Variants in LUC7L observed in about 807,000 individuals in gnomAD.
The protein encoded by LUC7L is putative RNA-binding protein Luc7-like 1.
LUC7L carries 29 observed loss-of-function variants against 51.1 expected under a neutral mutation model. The ratio of observed to expected loss-of-function variants is 0.57; its 90% CI spans 0.42 to 0.77. The LOEUF is 0.77. Ranked by LOEUF, LUC7L falls within the 30% of genes least tolerant of loss-of-function variation. LUC7L has a pLI of 0.00. For missense variants in LUC7L, 403 were observed against 511.9 expected (o/e 0.79, Z 2.05); for synonymous variants, 181 against 180.7 (o/e 1.00, Z -0.01).
chr16:205,855 C>G, intron 5 of LUC7L, 149 bp downstream of exon 5: 1 of 876,174 alleles, frequency 1.1e-6, no homozygotes, highest in Non-Finnish European at 1.7e-6. Context: ...TTCCAAAGTG[C>G]TGGGATGACA....
chr16:220,948 T>C (rs910793143), intron 2 of LUC7L, among the ~76,000 whole-genome samples: 4 of 152,232 alleles, frequency 2.6e-5, no homozygotes, highest in African/African-American at 9.6e-5. Flanking sequence ...TACTTGAAAC[T>C]GATGCATTTA....
At chr16:204,061 C>T (rs928468239) in intron 5 of LUC7L, among the ~76,000 whole-genome samples, 3 of 151,994 alleles carry the variant, frequency 2.0e-5, no homozygotes, top group African/African-American at 7.2e-5. Flanking sequence ...ACCAATTACA[C>T]CAGCACCCGC....
chr16:191,646 A>C (rs1305134863), intron 7 of LUC7L, among the ~76,000 whole-genome samples: 2 of 152,174 alleles, frequency 1.3e-5, no homozygotes, highest in African/African-American at 4.8e-5. Context: ...ACAGATCGAG[A>C]CCAGCCTGGC....
At chr16:208,273 T>C in intron 3 of LUC7L, 85 bp from the exon 4 acceptor site, 1 of 971,618 alleles carries the variant, frequency 1.0e-6, no homozygotes, top group South Asian at 1.4e-5. Flanking sequence ...GGAAATACAC[T>C]CCTAGGTTCG....
chr16:220,005 A>T (rs937021820), intron 3 of LUC7L, among the ~76,000 whole-genome samples: 1 of 152,206 alleles, frequency 6.6e-6, no homozygotes, highest in Non-Finnish European at 1.5e-5. Context: ...TGATAATACA[A>T]AGTGTTGGTG....
intron 3 of LUC7L, among the ~76,000 whole-genome samples, chr16:213,703 C>A (rs2142090602): frequency 6.6e-6 from 1 of 152,272 alleles, no homozygotes; most frequent in South Asian, 2.1e-4. Context: ...CCGCACCCGG[C>A]AGAAATCTTT....
chr16:220,928 G>C lies in LUC7L; in HGVS notation c.157-181C>G, dbSNP rs190062118. Among the ~76,000 whole-genome samples, 256 of 152,318 alleles carry C rather than the reference G, an allele frequency of 1.7e-3. 2 individuals carry two copies. Among genetic ancestry groups the C allele is most frequent in the African/African-American group, 6.0e-3 (248 of 41,580 alleles). The stretch of plus-strand genomic sequence containing the variant: ...AGCCTCATTTCACTTTTACCATCGT[G>C]ACTACGTGATACTTGAAACTGATGC... On this transcript the variant is annotated intron_variant, in intron 2 of 9. Coordinates refer to ENST00000293872, the MANE Select transcript of LUC7L (RefSeq NM_201412.3).
chr16:212,331 T>C (rs1011392241), intron 3 of LUC7L, among the ~76,000 whole-genome samples: 1 of 152,072 alleles, frequency 6.6e-6, no homozygotes, highest in African/African-American at 2.4e-5. Context: ...CGGGTCTCCA[T>C]TGCATGGATG....
intron 5 of LUC7L, among the ~76,000 whole-genome samples, chr16:200,378 C>T (rs1392627569): frequency 6.8e-6 from 1 of 147,570 alleles, no homozygotes; most frequent in Non-Finnish European, 1.5e-5. Context: ...GAGCCAAGAT[C>T]ATGCCACTGG....
intron 8 of LUC7L, among the ~76,000 whole-genome samples, chr16:190,339 T>C (rs10153124): frequency 0.063 from 9,543 of 152,084 alleles, 303 homozygotes; most frequent in Non-Finnish European, 0.071. Flanking sequence ...GCCTGGATAC[T>C]CCTGTCACCC....
Position 208,653 on chromosome 16 carries a change from C to T in LUC7L, c.256-465G>A. 4.1e-6 allele frequency: 4 copies of T among 985,810 alleles called. No homozygotes were observed. In the South Asian group the frequency reaches 1.9e-4, roughly 46 times the overall value. 61.1% of individuals were successfully genotyped at this position (985,810 alleles called of 1,614,324 possible). A position where few individuals can be genotyped will look rare whatever the true frequency, so the allele number is the denominator to read the frequency against. ...TTCCCTCATGTTCTGAGGGTAGGGT[C>T]CCCCCTTTCACCTCAAAAACAAAAC... On this transcript the variant is annotated intron_variant, in intron 3 of 9. Coordinates refer to ENST00000293872, the MANE Select transcript of LUC7L (RefSeq NM_201412.3).
chr16:189,511 G>C, intron 9 of LUC7L, 172 bp from the exon 10 acceptor site: 1 of 1,400,688 alleles, frequency 7.1e-7, no homozygotes, highest in South Asian at 1.7e-5. Flanking sequence ...GTGTTAGATA[G>C]CCATTAAAAA....
At chr16:208,712 A>G (rs570230042) in intron 3 of LUC7L, 2 of 788,788 alleles carry the variant, frequency 2.5e-6, no homozygotes, top group Non-Finnish European at 3.1e-6. Context: ...CTATGAATAC[A>G]TTTTGTTATT....
chr16:191,384 C>T (rs77733638), intron 7 of LUC7L, among the ~76,000 whole-genome samples: 4 of 152,174 alleles, frequency 2.6e-5, no homozygotes, highest in Admixed American at 6.5e-5. Flanking sequence ...ATTCTATGCC[C>T]GTAAGCCATT....
intron 7 of LUC7L, chr16:190,804 T>G: frequency 1.9e-6 from 1 of 522,376 alleles, no homozygotes; most frequent in East Asian, 3.2e-5. Flanking sequence ...CACTTTAACC[T>G]AGGAGGCAGA....
In LUC7L at chr16:190,043, C is replaced by T. The variant is rs1429219977; in HGVS notation, c.899G>A (p.Arg300Gln). 3.1e-6 allele frequency: 5 copies of T among 1,613,962 alleles called. No individual in the cohort carries two copies. Among genetic ancestry groups the T allele is most frequent in the Non-Finnish European group, 4.2e-6 (5 of 1,180,016 alleles). Residue 300 changes from arginine to glutamine, a missense_variant, in exon 9 of 10, where the codon CGG becomes CAG. Physicochemically the swap from Arg to Gln is conservative, Grantham distance 43 (BLOSUM62 1). Coordinates refer to ENST00000293872, the MANE Select transcript of LUC7L (RefSeq NM_201412.3). The part of the protein sequence containing the change: ...LSRSRSRDRH[R>Q]RHRSRSRSHS... ...GCTCCGGGAACGGCTGCGGTGGCGC[C>T]GATGTCTATCTCGGGACCGGGACCG...
intron 3 of LUC7L, among the ~76,000 whole-genome samples, chr16:212,585 A>G (rs2049674774): frequency 6.6e-6 from 1 of 152,206 alleles, no homozygotes. Context: ...GTAAGACAGG[A>G]AAACTACATA....
chr16:193,175 G>A (rs1162473436), intron 6 of LUC7L, among the ~76,000 whole-genome samples, 160 bp from the exon 7 acceptor site: 2 of 151,814 alleles, frequency 1.3e-5, no homozygotes, highest in African/African-American at 4.8e-5. Flanking sequence ...TCTTTGAAAC[G>A]GTGTCTCACT....
At chr16:228,553 G>A (rs1396330629) in intron 1 of LUC7L, 3 of 1,200,724 alleles carry the variant, frequency 2.5e-6, no homozygotes, top group African/African-American at 3.2e-5. Flanking sequence ...ACAGCCCTGA[G>A]AATGTGCCAG....
Sources: gnomAD v4.1 joint callset for allele counts (sites outside exome capture counted in the v4.1 genomes callset) on GRCh38, gnomAD v4.1.1 for gene constraint, MANE v1.5 for transcripts, NCBI Gene and HGNC (gene_info 2026-07-23, HGNC 2026-07-21) for gene names.